PARN: variants seen among roughly 807,000 people sequenced by gnomAD.
PARN encodes the protein poly(A)-specific ribonuclease.
A neutral mutation model predicts 102.8 loss-of-function variants in PARN; 71 were observed. The observed-to-expected ratio is 0.69, with a 90% confidence interval of 0.57 to 0.84. The LOEUF is 0.84. PARN is among the 40% of genes least tolerant of loss of function. PARN has a pLI of 0.00. For missense variants in PARN, 782 were observed against 760.9 expected, an observed-to-expected ratio of 1.03 and a Z score of -0.33; for synonymous variants, 261 against 252.9, an observed-to-expected ratio of 1.03 and a Z score of -0.30.
intron 21 of PARN, among the ~76,000 whole-genome samples, chr16:14,547,336 C>T (rs1159128941): frequency 6.6e-6 from 1 of 152,074 alleles, no homozygotes; most frequent in African/African-American, 2.4e-5. Flanking sequence ...GCAACAGAAA[C>T]CGAATGGCAC....
intron 22 of PARN, among the ~76,000 whole-genome samples, chr16:14,480,683 G>A (rs1045804161): frequency 1.3e-5 from 2 of 152,188 alleles, no homozygotes; most frequent in Non-Finnish European, 2.9e-5. Flanking sequence ...GCTCACGCCT[G>A]TAATCCCAAC....
chr16:14,551,684 G>A (rs866846940), intron 21 of PARN, among the ~76,000 whole-genome samples: 28 of 152,252 alleles, frequency 1.8e-4, no homozygotes, highest in African/African-American at 5.8e-4. Context: ...GAGATGAACA[G>A]GTCAATGTAA....
intron 18 of PARN, among the ~76,000 whole-genome samples, chr16:14,561,089 G>A (rs1968027566): frequency 2.0e-5 from 3 of 149,198 alleles, no homozygotes; most frequent in African/African-American, 7.4e-5. Context: ...CCCAGGAGGC[G>A]AAGGCTGCAG....
chr16:14,552,834 G>GTTCCCT (rs921974958), intron 20 of PARN, among the ~76,000 whole-genome samples: 1 of 152,030 alleles, frequency 6.6e-6, no homozygotes, highest in African/African-American at 2.4e-5. Flanking sequence ...TGTAATCCCA[G>GTTCCCT]CTACTCGCGA....
rs189495592 is a variant in PARN, at chr16:14,626,868, C to T, written c.327+238G>A. 2.0e-4 allele frequency among the ~76,000 whole-genome samples: 31 copies of T among 152,190 alleles called. No individual in the cohort carries two copies. The East Asian group carries it at 4.1e-3, about 20-fold the overall frequency. ...TCCTGACCTCATGATCCGCCCTCCCCGGCCTCCCAAAGTGCTGGGATTATA... is the reference window on the plus strand; with the variant it reads ...TCCTGACCTCATGATCCGCCCTCCCTGGCCTCCCAAAGTGCTGGGATTATA... On this transcript the variant is annotated intron_variant, in intron 5 of 23. Coordinates refer to ENST00000437198, the MANE Select transcript of PARN (RefSeq NM_002582.4).
intron 5 of PARN, among the ~76,000 whole-genome samples, chr16:14,623,292 G>C (rs150768584): frequency 1.0e-3 from 154 of 152,158 alleles, no homozygotes; most frequent in African/African-American, 3.4e-3. Context: ...GAGGTGGGCA[G>C]ATCACGAGGT....
chr16:14,570,321 CAAAAAAAAAA>C (rs59965954), intron 18 of PARN, among the ~76,000 whole-genome samples: 11 of 63,068 alleles, frequency 1.7e-4, no homozygotes, highest in South Asian at 8.3e-4. Flanking sequence ...GACTCTGTCT[CAAAAAAAAAA>C]AAAAAAAAAA....
chr16:14,438,795 T>C (rs770025449), intron 23 of PARN, among the ~76,000 whole-genome samples: 2 of 152,162 alleles, frequency 1.3e-5, no homozygotes, highest in African/African-American at 2.4e-5. Flanking sequence ...ACTGTCTACC[T>C]GTACAGCTGC....
chr16:14,451,887 AAAAAATAC>A (rs1567287374), intron 22 of PARN, among the ~76,000 whole-genome samples: 34 of 134,570 alleles, frequency 2.5e-4, no homozygotes, highest in South Asian at 2.0e-3. Context: ...AAAAAAAAAA[AAAAAATAC>A]AAAAAATTAG....
chr16:14,592,940 A>T (rs1368271395), intron 13 of PARN, among the ~76,000 whole-genome samples: 1 of 152,150 alleles, frequency 6.6e-6, no homozygotes, highest in Non-Finnish European at 1.5e-5. Flanking sequence ...GTTCGAGAAC[A>T]ACCTGGCCAA....
At chr16:14,475,742 G>C (rs1596474899) in intron 22 of PARN, among the ~76,000 whole-genome samples, 1 of 152,272 alleles carries the variant, frequency 6.6e-6, no homozygotes, top group South Asian at 2.1e-4. Context: ...TCTTCCTCTC[G>C]ACCATAGTGC....
At chr16:14,513,598 C>G (rs946747682) in intron 21 of PARN, among the ~76,000 whole-genome samples, 1 of 152,194 alleles carries the variant, frequency 6.6e-6, no homozygotes, top group Non-Finnish European at 1.5e-5. Flanking sequence ...TGTCTTCCAG[C>G]TTCCTGCTCC....
chr16:14,463,306 A>G (rs755907897), intron 22 of PARN, among the ~76,000 whole-genome samples: 13 of 152,256 alleles, frequency 8.5e-5, no homozygotes, highest in Non-Finnish European at 1.8e-4. Flanking sequence ...TTATAGGAAT[A>G]CAAAAATATC....
intron 21 of PARN, among the ~76,000 whole-genome samples, chr16:14,485,889 TG>T (rs1171136070): frequency 6.6e-6 from 1 of 152,150 alleles, no homozygotes; most frequent in Non-Finnish European, 1.5e-5. Context: ...GGTTTCACCG[TG>T]TTGGCCAGGC....
chr16:14,525,316 G>C (rs1965939310), intron 21 of PARN, among the ~76,000 whole-genome samples: 1 of 152,198 alleles, frequency 6.6e-6, no homozygotes, highest in South Asian at 2.1e-4. Flanking sequence ...GTTTGAAGTT[G>C]TCCAAGACTC....
intron 22 of PARN, among the ~76,000 whole-genome samples, chr16:14,480,472 A>G (rs1963317393): frequency 1.3e-5 from 2 of 152,268 alleles, no homozygotes; most frequent in South Asian, 2.1e-4. Flanking sequence ...TACAAGAACT[A>G]TAAGTGAATA....
chr16:14,453,492 AC>A (rs1285482278), intron 22 of PARN, among the ~76,000 whole-genome samples: 1 of 152,252 alleles, frequency 6.6e-6, no homozygotes, highest in Non-Finnish European at 1.5e-5. Context: ...TTTTAAATGT[AC>A]AGTTTGGTTA....
At position 14,535,819 on chromosome 16, in the gene PARN, A is replaced by G. The variant is rs890498551; in HGVS notation, c.1480+16202T>C. ...TTAACTTTATCATAGGTATGTATGT[A>G]TAGGAAAAACAGAGTACATACAGGC... On this transcript the variant is annotated intron_variant, in intron 21 of 23. Transcript: ENST00000437198. Among the ~76,000 whole-genome samples, 5 of 152,318 alleles carry G rather than the reference A, an allele frequency of 3.3e-5. No individual in the cohort carries two copies. In the Middle Eastern group the frequency reaches 0.014, roughly 414 times the overall value.
intron 21 of PARN, among the ~76,000 whole-genome samples, chr16:14,487,540 G>A (rs902902858): frequency 2.6e-4 from 39 of 152,274 alleles, no homozygotes; most frequent in African/African-American, 9.1e-4. Context: ...TAGATTTACT[G>A]CAACTCCAGC....
Sources: gnomAD v4.1 joint callset for allele counts (sites outside exome capture counted in the v4.1 genomes callset) on GRCh38, gnomAD v4.1.1 for gene constraint, MANE v1.5 for transcripts, NCBI Gene and HGNC (gene_info 2026-07-23, HGNC 2026-07-21) for gene names.